The following STPG2 variants were observed in gnomAD, a reference collection of about 807,000 sequenced individuals.
STPG2 encodes the protein sperm-tail PG-rich repeat-containing protein 2.
A neutral mutation model predicts 54.2 loss-of-function variants in STPG2; 56 were observed. That is an observed-to-expected ratio of 1.03 (90% CI 0.83 to 1.29). STPG2 has a LOEUF of 1.29. Ranked by LOEUF, STPG2 falls within the 50% of genes most tolerant of loss-of-function variation. The pLI is 0.00. For missense variants in STPG2, 596 were observed against 544.9 expected (o/e 1.09, Z -0.93); for synonymous variants, 200 against 181.8 (o/e 1.10, Z -0.81).
Position 98,018,515 on chromosome 4 carries a change from T to A in STPG2, c.613-37197A>T, listed in dbSNP as rs528896381. 3.2e-3 allele frequency among the ~76,000 whole-genome samples: 487 copies of A among 152,330 alleles called. 1 individual carries two copies. Among genetic ancestry groups the A allele is most frequent in the Admixed American group, 6.2e-3 (95 of 15,310 alleles). The stretch of plus-strand genomic sequence containing the variant: ...GTCTTTATAGCAGCATGATTTATAA[T>A]CCTTTGGGTACATACCCAGTAATGG... On this transcript the variant is annotated intron_variant, in intron 5 of 10. Coordinates refer to ENST00000295268, the MANE Select transcript of STPG2 (RefSeq NM_174952.3).
At chr4:97,906,377 G>C (rs906727237) in intron 8 of STPG2, among the ~76,000 whole-genome samples, 28 of 152,172 alleles carry the variant, frequency 1.8e-4, no homozygotes, top group African/African-American at 6.8e-4. Context: ...ATAGTCAATA[G>C]CTTACCAACC....
At chr4:97,831,844 C>G (rs187511908) in intron 9 of STPG2, among the ~76,000 whole-genome samples, 2 of 152,280 alleles carry the variant, frequency 1.3e-5, no homozygotes, top group East Asian at 3.9e-4. Flanking sequence ...CCTGAATAGA[C>G]CAATAACAAG....
intron 10 of STPG2, among the ~76,000 whole-genome samples, chr4:97,666,495 T>C (rs1054690446): frequency 6.6e-6 from 1 of 152,248 alleles, no homozygotes; most frequent in Non-Finnish European, 1.5e-5. Context: ...ATAAGTAATA[T>C]ATACAGAAAT....
intron 9 of STPG2, among the ~76,000 whole-genome samples, chr4:97,727,004 T>C (rs1293751327): frequency 6.6e-6 from 1 of 152,022 alleles, no homozygotes; most frequent in East Asian, 1.9e-4. Flanking sequence ...ATATGTTCTG[T>C]AGAGATAGAA....
chr4:97,527,787 T>C (rs1731316275), intron 4 of STPG2, among the ~76,000 whole-genome samples: 2 of 152,208 alleles, frequency 1.3e-5, no homozygotes, highest in Non-Finnish European at 2.9e-5. Flanking sequence ...GTTGGCTGCA[T>C]AAATGTCTTC....
At chr4:97,937,953 C>A (rs1411571550) in intron 8 of STPG2, among the ~76,000 whole-genome samples, 3 of 152,188 alleles carry the variant, frequency 2.0e-5, no homozygotes, top group Non-Finnish European at 4.4e-5. Flanking sequence ...ACCCACTCAT[C>A]TGGGCTGCTA....
intron 10 of STPG2, among the ~76,000 whole-genome samples, chr4:97,567,424 A>G (rs1490988329): frequency 1.3e-5 from 2 of 149,080 alleles, no homozygotes; most frequent in African/African-American, 4.9e-5. Context: ...TAACAATACT[A>G]TATATATAAT....
At chr4:97,866,421 C>A (rs755964024) in intron 8 of STPG2, among the ~76,000 whole-genome samples, 8 of 151,932 alleles carry the variant, frequency 5.3e-5, no homozygotes, top group Non-Finnish European at 7.4e-5. Flanking sequence ...AAAAGAAAAT[C>A]ATTTATCCTT....
intron 6 of STPG2, among the ~76,000 whole-genome samples, chr4:97,979,115 TAAAAC>T (rs1428785012): frequency 6.6e-6 from 1 of 152,158 alleles, no homozygotes; most frequent in Non-Finnish European, 1.5e-5. Flanking sequence ...GATTATAAAT[TAAAAC>T]AATAAGAAAC....
chr4:97,616,048 ATACATATAAAT>A lies in STPG2; in HGVS notation c.1321-56942_1321-56932del, dbSNP rs1218347716. 2.7e-4 allele frequency among the ~76,000 whole-genome samples: 25 copies of A among 91,880 alleles called. 1 individual carries two copies. Among genetic ancestry groups the A allele is most frequent in the African/African-American group, 8.7e-4 (21 of 24,102 alleles). 60.3% of individuals were successfully genotyped at this position (91,880 alleles called of 152,430 possible). A position where few individuals can be genotyped will look rare whatever the true frequency, so the allele number is the denominator to read the frequency against. On this transcript the variant is annotated intron_variant, in intron 10 of 10. Transcript: ENST00000295268. ...CAAGACTCTGTCTCAAAAAAAAAAA[ATACATATAAAT>A]ATATATATATATATATATATATATA...
intron 5 of STPG2, among the ~76,000 whole-genome samples, chr4:98,086,079 G>T (rs1424727514): frequency 6.6e-6 from 1 of 152,066 alleles, no homozygotes; most frequent in Non-Finnish European, 1.5e-5. Flanking sequence ...CAATCCAAAA[G>T]AAAAGTATTA....
At chr4:97,754,781 C>T (rs1725680870) in intron 9 of STPG2, among the ~76,000 whole-genome samples, 2 of 152,124 alleles carry the variant, frequency 1.3e-5, no homozygotes, top group African/African-American at 4.8e-5. Context: ...GAGGAGATTT[C>T]TACAGACCTC....
chr4:97,879,572 G>A (rs1222711256), intron 8 of STPG2, among the ~76,000 whole-genome samples: 1 of 152,080 alleles, frequency 6.6e-6, no homozygotes, highest in African/African-American at 2.4e-5. Context: ...AACAGTATGG[G>A]GGAAACTGCC....
At chr4:97,881,482 C>G (rs565707811) in intron 8 of STPG2, among the ~76,000 whole-genome samples, 5 of 152,068 alleles carry the variant, frequency 3.3e-5, no homozygotes, top group African/African-American at 1.2e-4. Flanking sequence ...AGGAAGTAAC[C>G]AAACTCATAA....
At chr4:97,651,275 GA>G (rs908964485) in intron 10 of STPG2, among the ~76,000 whole-genome samples, 24 of 148,760 alleles carry the variant, frequency 1.6e-4, no homozygotes, top group Admixed American at 5.4e-4. Flanking sequence ...GTCTTTATTT[GA>G]AAAAAAAAAT....
intron 10 of STPG2, among the ~76,000 whole-genome samples, chr4:97,710,268 T>C (rs1383087809): frequency 6.6e-6 from 1 of 151,972 alleles, no homozygotes; most frequent in Admixed American, 6.6e-5. Flanking sequence ...CAAAGTAAGA[T>C]ATATTCCAAA....
chr4:97,577,350 T>C (rs1355906679), intron 10 of STPG2, among the ~76,000 whole-genome samples: 1 of 152,132 alleles, frequency 6.6e-6, no homozygotes, highest in Non-Finnish European at 1.5e-5. Flanking sequence ...TAGGTATCCA[T>C]ACGTGGAGGA....
intron 10 of STPG2, among the ~76,000 whole-genome samples, chr4:97,611,968 A>C (rs1733740709): frequency 6.6e-6 from 1 of 151,928 alleles, no homozygotes; most frequent in African/African-American, 2.4e-5. Flanking sequence ...GAAATTATGT[A>C]AATCATATAT....
chr4:97,877,898 G>A (rs954898546), intron 8 of STPG2, among the ~76,000 whole-genome samples: 8 of 152,032 alleles, frequency 5.3e-5, no homozygotes, highest in African/African-American at 1.7e-4. Context: ...TTCCACCTAC[G>A]AGCCTGTAAA....
Sources: allele counts gnomAD v4.1 joint callset (sites outside exome capture counted in the v4.1 genomes callset), GRCh38; gene constraint gnomAD v4.1.1; transcripts MANE v1.5; gene names NCBI Gene and HGNC (gene_info 2026-07-23, HGNC 2026-07-21).